Variants in CTXND1 observed in about 807,000 individuals in gnomAD.
CTXND1 encodes cortexin domain containing 1.
intron 1 of CTXND1, among the ~76,000 whole-genome samples, chr15:80,218,188 T>G (rs1373996419): frequency 6.6e-6 from 1 of 152,184 alleles, no homozygotes; most frequent in Non-Finnish European, 1.5e-5. Context: ...CAGGCTGGAG[T>G]GCAGTGGCAC....
chr15:80,232,015 A>G (rs1893437364), intron 1 of CTXND1, among the ~76,000 whole-genome samples: 3 of 152,136 alleles, frequency 2.0e-5, no homozygotes, highest in Non-Finnish European at 4.4e-5. Flanking sequence ...CTGGGGCCAC[A>G]GTGGGACCTG....
At chr15:80,202,739 C>T (rs7180754) in intron 2 of CTXND1, among the ~76,000 whole-genome samples, 52,640 of 152,064 alleles carry the variant, frequency 0.35, 9,281 homozygotes, top group African/African-American at 0.43. Flanking sequence ...GGTCTATATC[C>T]CCTTCCCTGC....
At chr15:80,226,442 A>C (rs1236286783) in intron 1 of CTXND1, among the ~76,000 whole-genome samples, 1 of 152,154 alleles carries the variant, frequency 6.6e-6, no homozygotes, top group East Asian at 1.9e-4. Flanking sequence ...AACGGCCCCA[A>C]GTTGTCCCTC....
intron 2 of CTXND1, among the ~76,000 whole-genome samples, chr15:80,203,031 G>A (rs868370855): frequency 2.0e-5 from 3 of 152,214 alleles, no homozygotes; most frequent in Admixed American, 2.0e-4. Flanking sequence ...GCTTCACAGG[G>A]ATGTGACGAC....
chr15:80,246,707 C>T (rs892667979), intron 1 of CTXND1, among the ~76,000 whole-genome samples: 5 of 152,230 alleles, frequency 3.3e-5, no homozygotes, highest in East Asian at 1.9e-4. Context: ...GTCAGTGATT[C>T]TCAGATTTTA....
chr15:80,230,576 C>T (rs1256190564), intron 1 of CTXND1, among the ~76,000 whole-genome samples: 1 of 151,834 alleles, frequency 6.6e-6, no homozygotes, highest in Non-Finnish European at 1.5e-5. Flanking sequence ...TTTTGATTTT[C>T]TTTGGGTTTT....
In CTXND1 at chr15:80,239,628, C is replaced by A. The variant is rs117628193; in HGVS notation, c.-218+12379G>T. Among the ~76,000 whole-genome samples the A allele has an allele frequency of 7.8e-3, 1,186 of 152,318 alleles. 8 individuals carry two copies. Among genetic ancestry groups the A allele is most frequent in the South Asian group, 0.013 (62 of 4,822 alleles). On this transcript the variant is annotated intron_variant, in intron 1 of 2. Transcript: ENST00000560778. ...CCTTGTTCCTCGGCTTGCAGACAGCCTATTGTGGGACCTTATGATTGTGTA... is the reference window on the plus strand; with the variant it reads ...CCTTGTTCCTCGGCTTGCAGACAGCATATTGTGGGACCTTATGATTGTGTA...
At chr15:80,247,433 TC>T in intron 1 of CTXND1, among the ~76,000 whole-genome samples, 1 of 152,034 alleles carries the variant, frequency 6.6e-6, no homozygotes, top group Admixed American at 6.5e-5. Flanking sequence ...GAGGCAGAAG[TC>T]CCCTCCTTGG....
intron 1 of CTXND1, among the ~76,000 whole-genome samples, chr15:80,237,086 A>C (rs1033252513): frequency 5.9e-5 from 9 of 152,206 alleles, no homozygotes; most frequent in Non-Finnish European, 1.0e-4. Context: ...CTGTGATCCC[A>C]GCACTTTGGG....
intron 1 of CTXND1, among the ~76,000 whole-genome samples, chr15:80,218,846 A>C (rs2142128785): frequency 6.6e-6 from 1 of 152,074 alleles, no homozygotes; most frequent in South Asian, 2.1e-4. Context: ...TACCCTCCTG[A>C]AGTTGTGGAT....
intron 1 of CTXND1, among the ~76,000 whole-genome samples, chr15:80,237,354 A>AG (rs1041798222): frequency 4.0e-5 from 6 of 151,452 alleles, no homozygotes; most frequent in African/African-American, 1.5e-4. Context: ...AAAAAAAAAA[A>AG]AAAGAAAGAA....
rs1337294195 is a variant in CTXND1 at position 80,201,960 on chromosome 15, C to T, written c.-11G>A. 2 of 398,834 alleles carry T rather than the reference C, an allele frequency of 5.0e-6. No homozygotes were observed. The highest frequency in any genetic ancestry group is 2.1e-5 in the African/African-American group (1 of 48,648). 24.7% of individuals were successfully genotyped at this position (398,834 alleles called of 1,614,324 possible). ...CGTGGGCTCCTCCATCTCGCGGCAG[C>T]GACTGCGGGCTGCTCCTCCTCCGCC... On this transcript the variant is annotated 5_prime_UTR_variant, in exon 3 of 3. Coordinates refer to ENST00000560778, the MANE Select transcript of CTXND1 (RefSeq NM_001352888.2).
rs79795619 is a variant in CTXND1 at position 80,231,077 on chromosome 15, G to A, written c.-218+20930C>T. On this transcript the variant is annotated intron_variant, in intron 1 of 2. Coordinates refer to ENST00000560778, the MANE Select transcript of CTXND1 (RefSeq NM_001352888.2). ...CATCTCAAAAAAAGAAAAAAAAAGT[G>A]TGTTGCTTAATTTCCAAGCATTTAG... Among the ~76,000 whole-genome samples the A allele has an allele frequency of 9.7e-3, 1,477 of 151,974 alleles. 22 individuals are homozygous for A. Among genetic ancestry groups the A allele is most frequent in the African/African-American group, 0.034 (1,390 of 41,424 alleles).
In CTXND1 at chr15:80,225,419, A is replaced by G. The variant is rs1054079174; in HGVS notation, c.-217-21679T>C. Among the ~76,000 whole-genome samples, 55 of 150,264 alleles carry G rather than the reference A, an allele frequency of 3.7e-4. 1 individual carries two copies. Among genetic ancestry groups the G allele is most frequent in the African/African-American group, 1.3e-3 (55 of 40,938 alleles). ...TCAAGTCTTTCTTCAGCTCAAAGAA[A>G]TTTTTCCCCTTTTTTCCCCACCATT... On this transcript the variant is annotated intron_variant, in intron 1 of 2. Transcript: ENST00000560778.
At chr15:80,249,572 T>C (rs35968846) in intron 1 of CTXND1, among the ~76,000 whole-genome samples, 18,972 of 152,274 alleles carry the variant, frequency 0.12, 1,579 homozygotes, top group Non-Finnish European at 0.17. Flanking sequence ...CTTTTAGTAA[T>C]TGATGATTCT....
chr15:80,231,888 A>C (rs1893435917), intron 1 of CTXND1, among the ~76,000 whole-genome samples: 1 of 152,190 alleles, frequency 6.6e-6, no homozygotes, highest in South Asian at 2.1e-4. Flanking sequence ...TTTTCCATTC[A>C]CGGTATTGTT....
At chr15:80,204,099 G>T (rs1464690939) in intron 1 of CTXND1, among the ~76,000 whole-genome samples, 1 of 133,866 alleles carries the variant, frequency 7.5e-6, no homozygotes, top group Admixed American at 8.3e-5. Flanking sequence ...GGAGGCGGAG[G>T]TTGCGCCGCT....
chr15:80,234,209 G>A (rs549767241), intron 1 of CTXND1, among the ~76,000 whole-genome samples: 2 of 152,312 alleles, frequency 1.3e-5, no homozygotes, highest in Admixed American at 6.5e-5. Flanking sequence ...TTGGGGGAAG[G>A]CTTTGGGGAT....
intron 1 of CTXND1, among the ~76,000 whole-genome samples, chr15:80,239,732 C>G (rs1893543460): frequency 6.6e-6 from 1 of 152,164 alleles, no homozygotes; most frequent in South Asian, 2.1e-4. Flanking sequence ...CAATCACCAA[C>G]TCGCTACAGC....
Sources: allele counts gnomAD v4.1 joint callset (sites outside exome capture counted in the v4.1 genomes callset), GRCh38; gene constraint gnomAD v4.1.1; transcripts MANE v1.5; gene names NCBI Gene and HGNC (gene_info 2026-07-23, HGNC 2026-07-21).